MGAM: variants seen among roughly 807,000 people sequenced by gnomAD.
MGAM encodes maltase-glucoamylase, also known as alpha-1,4-glucosidase.
Under a neutral mutation model 358.8 loss-of-function variants are expected in MGAM, and 253 were observed. That is an observed-to-expected ratio of 0.71 (90% CI 0.64 to 0.78). The LOEUF is 0.78. MGAM is among the 30% of genes least tolerant of loss of function. The pLI, the probability that MGAM is intolerant of heterozygous loss-of-function variation, is 0.00. For synonymous variants in MGAM, 1,105 were observed against 1,227.1 expected, an observed-to-expected ratio of 0.90 and a Z score of 2.08; for missense variants, 3,080 against 3,432.6, an observed-to-expected ratio of 0.90 and a Z score of 2.57.
At chr7:141,987,389 C>T (rs970656401) in intron 2 of MGAM, among the ~76,000 whole-genome samples, 91 of 152,194 alleles carry the variant, frequency 6.0e-4, no homozygotes, top group African/African-American at 2.1e-3. Flanking sequence ...ATCTTAATAA[C>T]ATGCCGTAAT....
intron 12 of MGAM, among the ~76,000 whole-genome samples, chr7:142,030,987 C>T (rs1807438612): frequency 6.6e-6 from 1 of 152,116 alleles, no homozygotes; most frequent in African/African-American, 2.4e-5. Context: ...AACAACAGCT[C>T]ACACACTGAG....
intron 3 of MGAM, among the ~76,000 whole-genome samples, chr7:142,017,160 G>T (rs1031908422): frequency 1.3e-4 from 19 of 151,550 alleles, no homozygotes; most frequent in Non-Finnish European, 2.7e-4. Flanking sequence ...TTTTTGGATC[G>T]AGGATTTCCA....
chr7:142,052,733 A>G, intron 25 of MGAM, 51 bp from the exon 26 acceptor site: 1 of 1,598,000 alleles, frequency 6.3e-7, no homozygotes, highest in Non-Finnish European at 8.6e-7. Flanking sequence ...AGGTTAGAGA[A>G]CTTTAAGACC....
At chr7:142,079,117 C>G (rs1814002952) in intron 49 of MGAM, 109 bp downstream of exon 49, 1 of 996,654 alleles carries the variant, frequency 1.0e-6, no homozygotes, top group Admixed American at 2.3e-5. Context: ...CTACATTAGA[C>G]TATGTCATTA....
intron 23 of MGAM, 30 bp downstream of exon 23, chr7:142,050,314 T>C: frequency 1.2e-6 from 2 of 1,605,978 alleles, no homozygotes. Context: ...GAATCTTAGG[T>C]GTGGGCTTTG....
intron 21 of MGAM, among the ~76,000 whole-genome samples, chr7:142,041,427 T>C (rs1472065538): frequency 1.3e-5 from 2 of 152,120 alleles, no homozygotes; most frequent in Non-Finnish European, 2.9e-5. Context: ...ATGATACTAA[T>C]GGAAAATATC....
rs976673974 is a variant in MGAM, at chr7:141,996,808, G to A, written c.-3+878G>A. ...GTAAAATATTGGGATGCATTTATGAGTTGGTGTGCATTGGTGGGTAGGAGA... is the reference window on the plus strand; with the variant it reads ...GTAAAATATTGGGATGCATTTATGAATTGGTGTGCATTGGTGGGTAGGAGA... On this transcript the variant is annotated intron_variant, in intron 1 of 70. Coordinates refer to ENST00000475668, the MANE Select transcript of MGAM (RefSeq NM_001365693.1). Among the ~76,000 whole-genome samples, 12 of 152,244 alleles carry A rather than the reference G, an allele frequency of 7.9e-5. 1 individual carries two copies. In the East Asian group the frequency reaches 2.1e-3, roughly 27 times the overall value.
chr7:142,105,154 A>G (rs560565185), intron 70 of MGAM, among the ~76,000 whole-genome samples: 4 of 152,290 alleles, frequency 2.6e-5, no homozygotes, highest in African/African-American at 9.6e-5. Context: ...CTGGGCAAAC[A>G]CTGGGGTGCT....
chr7:142,035,109 A>G (rs941872040), intron 16 of MGAM, among the ~76,000 whole-genome samples: 1 of 152,192 alleles, frequency 6.6e-6, no homozygotes, highest in Non-Finnish European at 1.5e-5. Flanking sequence ...AGAAAAGTGT[A>G]TGTATCCTTA....
chr7:142,096,073 G>T (rs1815877892), intron 64 of MGAM: 1 of 598,382 alleles, frequency 1.7e-6, no homozygotes, highest in African/African-American at 1.9e-5. Flanking sequence ...TGCATTTGAA[G>T]TTTGCCATGG....
intron 8 of MGAM, among the ~76,000 whole-genome samples, chr7:142,026,238 T>C (rs189136579): frequency 2.6e-5 from 4 of 152,286 alleles, no homozygotes; most frequent in Admixed American, 2.0e-4. Context: ...GAGGTGAGAT[T>C]CACTGAGGTT....
Position 142,084,462 on chromosome 7 carries a change from A to G in MGAM, c.6382-57A>G, listed in dbSNP as rs1353741410. 2.3e-5 allele frequency: 34 copies of G among 1,510,376 alleles called. 5 individuals carry two copies. The highest frequency in any genetic ancestry group is 2.7e-6 in the Non-Finnish European group (3 of 1,098,672). 93.6% of individuals were successfully genotyped at this position (1,510,376 alleles called of 1,614,324 possible). On this transcript the variant is annotated intron_variant, in intron 53 of 70. Transcript: ENST00000475668. ...GAAAAATATTCTTATTACTTGATGT[A>G]AAACTTCAATCTGGTGTCTCTGTTC...
chr7:142,068,643 T>A lies in MGAM; in HGVS notation c.5005-4T>A, dbSNP rs765329555. 1 of 1,534,566 alleles carries A rather than the reference T, an allele frequency of 6.5e-7. No homozygotes were observed. Among genetic ancestry groups the A allele is most frequent in the East Asian group, 2.3e-5 (1 of 43,870 alleles). ...TGCCTCACCTTGTTTGTGTTTCATT[T>A]TAGAATGCCAGAAATGTCACTGCAT... On this transcript the variant is annotated splice_region_variant and splice_polypyrimidine_tract_variant and intron_variant, in intron 42 of 70. Transcript: ENST00000475668.
At chr7:142,062,276 G>C (rs1223892495) in intron 34 of MGAM, among the ~76,000 whole-genome samples, 2 of 152,146 alleles carry the variant, frequency 1.3e-5, no homozygotes, top group Non-Finnish European at 2.9e-5. Flanking sequence ...GTTGAGGGTT[G>C]GGCATCGAGT....
At chr7:142,004,993 A>G (rs1462065720) in intron 1 of MGAM, among the ~76,000 whole-genome samples, 1 of 152,090 alleles carries the variant, frequency 6.6e-6, no homozygotes, top group Non-Finnish European at 1.5e-5. Context: ...AGGGTAGAGA[A>G]ACATGTTAGC....
intron 54 of MGAM, among the ~76,000 whole-genome samples, chr7:142,084,919 T>G (rs1302670904): frequency 6.8e-6 from 1 of 146,512 alleles, no homozygotes; most frequent in African/African-American, 2.4e-5. Flanking sequence ...TCCATTTCTT[T>G]CACATGACTT....
chr7:142,031,739 G>A lies in MGAM; in HGVS notation c.1530G>A (p.Trp510Ter). 6.2e-7 allele frequency: 1 copy of A among 1,613,490 alleles called. No homozygotes were observed. The highest frequency in any genetic ancestry group is 1.3e-5 in the African/African-American group (1 of 75,000). The change falls in exon 13 of 71, where the codon TGG (tryptophan) becomes TGA (stop). Residue 510 changes from tryptophan (W) to a stop codon, truncating the protein, a stop_gained. Coordinates refer to ENST00000475668, the MANE Select transcript of MGAM (RefSeq NM_001365693.1). LOFTEE classifies it high-confidence loss of function. ...DYTNPNCAVW[W>*]TKEFELFHNQ... The stretch of plus-strand genomic sequence containing the variant: ...CCAATCCCAACTGTGCTGTTTGGTG[G>A]ACAAAGGAATTTGAGCTTTTTCACA...
At chr7:142,003,988 G>A (rs1804951869) in intron 1 of MGAM, among the ~76,000 whole-genome samples, 1 of 151,950 alleles carries the variant, frequency 6.6e-6, no homozygotes, top group South Asian at 2.1e-4. Flanking sequence ...AACCACAAAT[G>A]AGATGATATC....
intron 1 of MGAM, among the ~76,000 whole-genome samples, chr7:141,997,972 G>A (rs1554449302): frequency 6.6e-6 from 1 of 152,160 alleles, no homozygotes; most frequent in Non-Finnish European, 1.5e-5. Context: ...CTCATGTCTT[G>A]TGTTAGCAAA....
Sources: gnomAD v4.1 joint callset for allele counts (sites outside exome capture counted in the v4.1 genomes callset) on GRCh38, gnomAD v4.1.1 for gene constraint, MANE v1.5 for transcripts, NCBI Gene and HGNC (gene_info 2026-07-23, HGNC 2026-07-21) for gene names.